The following ATP2A2 variants were observed in gnomAD, a reference collection of about 807,000 sequenced individuals.
ATP2A2 encodes the protein sarcoplasmic/endoplasmic reticulum calcium ATPase 2.
A neutral mutation model predicts 109.3 loss-of-function variants in ATP2A2; 14 were observed. The ratio of observed to expected loss-of-function variants is 0.13; its 90% CI spans 0.08 to 0.20. The LOEUF is 0.20. ATP2A2 is among the 10% of genes least tolerant of loss of function. ATP2A2 has a pLI of 1.00. For missense variants in ATP2A2, 657 were observed against 1,321.6 expected, an observed-to-expected ratio of 0.50 and a Z score of 7.80; for synonymous variants, 506 against 490.9, an observed-to-expected ratio of 1.03 and a Z score of -0.41.
chr12:110,332,562 C>G (rs769144532), intron 8 of ATP2A2, 35 bp from the exon 9 acceptor site: 14 of 1,528,960 alleles, frequency 9.2e-6, no homozygotes, highest in Non-Finnish European at 1.3e-5. Flanking sequence ...TTTAAAAATC[C>G]CTTTTAAATA....
intron 5 of ATP2A2, among the ~76,000 whole-genome samples, chr12:110,316,348 C>T (rs562553343): frequency 3.9e-5 from 6 of 152,214 alleles, no homozygotes; most frequent in Non-Finnish European, 5.9e-5. Flanking sequence ...TAGACTTTTA[C>T]TGGCATAGAT....
intron 3 of ATP2A2, among the ~76,000 whole-genome samples, chr12:110,288,941 A>G (rs887625673): frequency 2.6e-5 from 4 of 152,036 alleles, no homozygotes; most frequent in South Asian, 2.1e-4. Flanking sequence ...TCTGTTGTCA[A>G]TCCTCTTTCT....
chr12:110,347,299 AAC>A lies in ATP2A2; in HGVS notation c.*831_*832del, dbSNP rs1396172930. On this transcript the variant is annotated 3_prime_UTR_variant, in exon 20 of 20. Coordinates refer to ENST00000539276, the MANE Select transcript of ATP2A2 (RefSeq NM_170665.4). ...ACGTCATCTAGTTTTAAAAAAATAA[AAC>A]ATTTTAAATGGACAGAGAAAAATAA... 4.8e-6 allele frequency: 6 copies of A among 1,262,594 alleles called. No homozygotes were observed. The highest frequency in any genetic ancestry group is 1.5e-5 in the African/African-American group (1 of 64,922). 78.2% of individuals were successfully genotyped at this position (1,262,594 alleles called of 1,614,324 possible).
chr12:110,348,391 G>C lies in ATP2A2; in HGVS notation c.*1921G>C. 1.0e-6 allele frequency: 1 copy of C among 985,460 alleles called. No homozygotes were observed. Among genetic ancestry groups the C allele is most frequent in the Non-Finnish European group, 1.2e-6 (1 of 830,020 alleles). 61.0% of individuals were successfully genotyped at this position (985,460 alleles called of 1,614,324 possible). ...CCAGCTTACTCCTTAGCCAGGGTGT[G>C]AGGCCTCGACTATATTCTTCAAAAT... On this transcript the variant is annotated 3_prime_UTR_variant, in exon 20 of 20. Coordinates refer to ENST00000539276, the MANE Select transcript of ATP2A2 (RefSeq NM_170665.4).
Position 110,301,744 on chromosome 12 carries a change from A to C in ATP2A2, c.463+5007A>C, listed in dbSNP as rs371081607. On this transcript the variant is annotated intron_variant, in intron 5 of 19. Transcript: ENST00000539276. ...TTCCCCATTGCACTTAAAATACAAA[A>C]TTCTCTGACCTGATAAACTTGCATT... 7.9e-5 allele frequency among the ~76,000 whole-genome samples: 12 copies of C among 152,288 alleles called. No homozygotes were observed. The East Asian group carries it at 1.7e-3, about 22-fold the overall frequency.
At chr12:110,306,215 A>G (rs986216295) in intron 5 of ATP2A2, among the ~76,000 whole-genome samples, 8 of 151,982 alleles carry the variant, frequency 5.3e-5, no homozygotes, top group Non-Finnish European at 1.2e-4. Flanking sequence ...ATGTTTTTGT[A>G]TTTTTAGTAG....
intron 10 of ATP2A2, 133 bp from the exon 11 acceptor site, chr12:110,333,879 G>T: frequency 8.8e-7 from 1 of 1,134,616 alleles, no homozygotes. Context: ...ACCTGTTTCA[G>T]AGGAGGATAA....
chr12:110,281,103 G>C (rs1043964100), upstream of ATP2A2: 2 of 149,916 alleles, frequency 1.3e-5, no homozygotes, highest in African/African-American at 4.9e-5. Context: ...GCGCGGCAGC[G>C]TGGGCGCCAG....
Position 110,342,220 on chromosome 12 carries a change from C to T in ATP2A2, c.2098-8C>T. On this transcript the variant is annotated splice_region_variant and splice_polypyrimidine_tract_variant and intron_variant, in intron 14 of 19. Coordinates refer to ENST00000539276, the MANE Select transcript of ATP2A2 (RefSeq NM_170665.4). The surrounding 1 kb of genome is among the most constrained non-coding windows in gnomAD (Gnocchi z 4.6). ...GTTGGCTGACCCAACCATTGCTTTC[C>T]CTTTCAGACTGGCGATGGCGTGAAC... 1 of 1,614,218 alleles carries T rather than the reference C, an allele frequency of 6.2e-7. No homozygotes were observed. The highest frequency in any genetic ancestry group is 2.2e-5 in the East Asian group (1 of 44,884).
intron 11 of ATP2A2, among the ~76,000 whole-genome samples, chr12:110,336,203 A>G (rs1244976138): frequency 3.9e-5 from 6 of 152,138 alleles, no homozygotes; most frequent in African/African-American, 1.4e-4. Context: ...TTTATAGGAC[A>G]TTGTTGTAAC....
At chr12:110,301,709 C>G (rs1396149638) in intron 5 of ATP2A2, among the ~76,000 whole-genome samples, 1 of 152,184 alleles carries the variant, frequency 6.6e-6, no homozygotes, top group Non-Finnish European at 1.5e-5. Flanking sequence ...CTAAAAAACC[C>G]TTAAGGGACT....
chr12:110,339,787 T>C lies in ATP2A2; in HGVS notation c.1761+66T>C, dbSNP rs1260358217. The C allele has an allele frequency of 1.3e-6, 2 of 1,527,414 alleles. No homozygotes were observed. Among genetic ancestry groups the C allele is most frequent in the African/African-American group, 1.4e-5 (1 of 73,090 alleles). 94.6% of individuals were successfully genotyped at this position (1,527,414 alleles called of 1,614,324 possible). On this transcript the variant is annotated intron_variant, in intron 13 of 19. Coordinates refer to ENST00000539276, the MANE Select transcript of ATP2A2 (RefSeq NM_170665.4). The surrounding 1 kb of genome is among the most constrained non-coding windows in gnomAD (Gnocchi z 4.4). ...TTCATTGTGTTTAAACAGTACTCCT[T>C]CAAGCAAAAGGTCAAACAGTTCTCA...
At position 110,348,282 on chromosome 12, in the gene ATP2A2, G is replaced by A; in HGVS notation, c.*1812G>A. 1.0e-6 allele frequency: 1 copy of A among 985,334 alleles called. No homozygotes were observed. The highest frequency in any genetic ancestry group is 1.2e-6 in the Non-Finnish European group (1 of 829,950). 61.0% of individuals were successfully genotyped at this position (985,334 alleles called of 1,614,324 possible). On this transcript the variant is annotated 3_prime_UTR_variant, in exon 20 of 20. Coordinates refer to ENST00000539276, the MANE Select transcript of ATP2A2 (RefSeq NM_170665.4). Reference sequence around the variant, plus strand: ...CCACTCCCCCACCCCCCCTTGCTTGGTCTTGTCCTTGGTGGCTAAGACTTA... The same window carrying A: ...CCACTCCCCCACCCCCCCTTGCTTGATCTTGTCCTTGGTGGCTAAGACTTA...
chr12:110,305,132 C>T (rs190086718), intron 5 of ATP2A2, among the ~76,000 whole-genome samples: 49 of 152,264 alleles, frequency 3.2e-4, no homozygotes, highest in East Asian at 3.1e-3. Flanking sequence ...CGGGGTTTCA[C>T]CGTTTTGGCC....
chr12:110,341,302 C>CAATT (rs1478822897), intron 14 of ATP2A2, among the ~76,000 whole-genome samples: 1 of 151,818 alleles, frequency 6.6e-6, no homozygotes, highest in Non-Finnish European at 1.5e-5. Flanking sequence ...AGGATGTAAT[C>CAATT]AGTCAGTTGT....
At position 110,350,505 on chromosome 12, in the gene ATP2A2, T is replaced by A. The variant is rs1592876057; in HGVS notation, c.*4035T>A. 1 of 792,954 alleles carries A rather than the reference T, an allele frequency of 1.3e-6. No individual in the cohort carries two copies. Among genetic ancestry groups the A allele is most frequent in the Non-Finnish European group, 2.0e-6 (1 of 504,102 alleles). The allele number at this position is 792,954 out of a possible 1,614,324, so 49.1% of individuals were successfully genotyped here. A position where few individuals can be genotyped will look rare whatever the true frequency, so the allele number is the denominator to read the frequency against. ...TTAGCTTTTAAATCAAAATACTGAT[T>A]ACAGATGTACAATTTAGCTTAATCA... On this transcript the variant is annotated 3_prime_UTR_variant, in exon 20 of 20. Coordinates refer to ENST00000539276, the MANE Select transcript of ATP2A2 (RefSeq NM_170665.4).
chr12:110,287,624 C>CT (rs1269592147), intron 3 of ATP2A2, among the ~76,000 whole-genome samples: 7 of 151,706 alleles, frequency 4.6e-5, no homozygotes, highest in East Asian at 1.9e-4. Flanking sequence ...TTTTCGCTGT[C>CT]TTTTTTTTGA....
intron 5 of ATP2A2, among the ~76,000 whole-genome samples, chr12:110,304,202 T>C (rs1210276397): frequency 6.6e-6 from 1 of 152,212 alleles, no homozygotes; most frequent in Non-Finnish European, 1.5e-5. Flanking sequence ...TTGTTTCCAG[T>C]TTTGGTCTAT....
chr12:110,296,344 C>G (rs919279978), intron 4 of ATP2A2: 1 of 475,366 alleles, frequency 2.1e-6, no homozygotes, highest in Non-Finnish European at 3.8e-6. Flanking sequence ...GTCTTAGGGA[C>G]AGCAGAGTCT....
Sources: allele counts gnomAD v4.1 joint callset (sites outside exome capture counted in the v4.1 genomes callset), GRCh38; gene constraint gnomAD v4.1.1; non-coding constraint Gnocchi (gnomAD v3.1); transcripts MANE v1.5; gene names NCBI Gene and HGNC (gene_info 2026-07-23, HGNC 2026-07-21).